The following DLGAP5 variants were observed in gnomAD, a reference collection of about 807,000 sequenced individuals.
DLGAP5 encodes disks large-associated protein 5.
DLGAP5 carries 90 observed loss-of-function variants against 99.6 expected under a neutral mutation model. The observed-to-expected ratio is 0.90, with a 90% CI of 0.76 to 1.08. DLGAP5 has a LOEUF of 1.08. Among genes scored for constraint, DLGAP5 ranks in the 50% least tolerant of loss-of-function variants. The probability of loss-of-function intolerance (pLI) is 0.00; values close to 1 mark genes in which losing one functional copy is unlikely to be tolerated. For missense variants in DLGAP5, 1,036 were observed against 983.5 expected (o/e 1.05, Z -0.71); for synonymous variants, 311 against 321.3 (o/e 0.97, Z 0.34).
intron 7 of DLGAP5, among the ~76,000 whole-genome samples, chr14:55,177,830 C>T (rs544566663): frequency 3.3e-5 from 5 of 151,782 alleles, no homozygotes; most frequent in Non-Finnish European, 7.4e-5. Flanking sequence ...AGCCACCGCA[C>T]CCACCCCGAA....
rs996700001 is a variant in DLGAP5, at chr14:55,172,680, G to A, written c.1302-1893C>T. 2.6e-5 allele frequency among the ~76,000 whole-genome samples: 4 copies of A among 152,000 alleles called. No individual in the cohort carries two copies. In the East Asian group the frequency reaches 7.8e-4, roughly 30 times the overall value. On this transcript the variant is annotated intron_variant, in intron 10 of 18. Coordinates refer to ENST00000247191, the MANE Select transcript of DLGAP5 (RefSeq NM_014750.5). ...TTGTTCATATTCAATGACACAACAT[G>A]ACGATTAATAAGGAGGCAGAGGGTC...
At chr14:55,188,803 G>T in intron 2 of DLGAP5, 139 bp downstream of exon 2, 16 of 484,676 alleles carry the variant, frequency 3.3e-5, no homozygotes, top group Non-Finnish European at 5.2e-5. Context: ...AAAAAAAAAG[G>T]AAAAAGACCA....
At chr14:55,173,288 C>CA (rs33912800) in intron 10 of DLGAP5, among the ~76,000 whole-genome samples, 31 of 121,736 alleles carry the variant, frequency 2.5e-4, no homozygotes, top group African/African-American at 7.2e-4. Flanking sequence ...AAAAAAAAAA[C>CA]AAAAAAAAAA....
chr14:55,165,299 C>T (rs939289164), intron 12 of DLGAP5, among the ~76,000 whole-genome samples: 6 of 152,162 alleles, frequency 3.9e-5, no homozygotes, highest in East Asian at 3.9e-4. Flanking sequence ...AAGGGTGGAT[C>T]GCTTGAGCTC....
intron 10 of DLGAP5, 141 bp downstream of exon 10, chr14:55,175,204 CA>C: frequency 2.9e-6 from 2 of 696,524 alleles, no homozygotes; most frequent in Non-Finnish European, 2.3e-6. Context: ...TACTAGTTAT[CA>C]AAAAAATAAT....
chr14:55,189,272 C>T (rs1189018614), intron 1 of DLGAP5, 92 bp from the exon 2 acceptor site: 4 of 891,234 alleles, frequency 4.5e-6, no homozygotes, highest in Non-Finnish European at 6.9e-6. Flanking sequence ...ACTTCAGGGC[C>T]TTCTGAAATA....
chr14:55,185,324 C>T (rs1406031888), intron 2 of DLGAP5, among the ~76,000 whole-genome samples: 1 of 152,190 alleles, frequency 6.6e-6, no homozygotes, highest in Non-Finnish European at 1.5e-5. Context: ...CTCAGCCTCC[C>T]GAGTAGCTGG....
chr14:55,181,962 A>C (rs2139526725), intron 4 of DLGAP5, among the ~76,000 whole-genome samples: 1 of 152,344 alleles, frequency 6.6e-6, no homozygotes, highest in Non-Finnish European at 1.5e-5. Context: ...TCACCTGATA[A>C]AGAGGCATAT....
At chr14:55,178,578 G>A (rs1053907621) in intron 7 of DLGAP5, among the ~76,000 whole-genome samples, 6 of 152,206 alleles carry the variant, frequency 3.9e-5, no homozygotes, top group African/African-American at 1.4e-4. Context: ...AGCCAGCATG[G>A]CAGTCAAAGC....
At chr14:55,159,486 C>G (rs1297878918) in intron 13 of DLGAP5, among the ~76,000 whole-genome samples, 2 of 152,142 alleles carry the variant, frequency 1.3e-5, no homozygotes, top group African/African-American at 4.8e-5. Flanking sequence ...ATTGAGAGGA[C>G]TTACTCATCT....
In DLGAP5 at chr14:55,189,007, C is replaced by T; in HGVS notation, c.173G>A (p.Arg58Lys). The T allele has an allele frequency of 6.2e-7, 1 of 1,613,866 alleles. No homozygotes were observed. Among genetic ancestry groups the T allele is most frequent in the African/African-American group, 1.3e-5 (1 of 75,028 alleles). Residue 58 changes from arginine (R) to lysine (K), a missense_variant, in exon 2 of 19, where the codon AGA (arginine) becomes AAA (lysine). By Grantham distance (26) the Arg-to-Lys change is conservative (BLOSUM62 2). Transcript: ENST00000247191. The stretch of plus-strand genomic sequence containing the variant: ...TGTCTCATCTAATTCAACAAGAATT[C>T]TACCTTCCAAGGTTGGAATGTTTAC... ...KDVNIPTLEGRILVELDETSQ... is the reference protein window; with the variant it reads ...KDVNIPTLEGKILVELDETSQ...
intron 14 of DLGAP5, 100 bp downstream of exon 14, chr14:55,158,422 A>G: frequency 2.0e-6 from 2 of 976,008 alleles, no homozygotes; most frequent in Non-Finnish European, 1.5e-6. Flanking sequence ...TTCATGTAAA[A>G]AACTATTTTT....
At position 55,188,971 on chromosome 14, in the gene DLGAP5, A is replaced by T. The variant is rs1354088982; in HGVS notation, c.209T>A (p.Leu70His). Reference protein sequence around the residue: ...LVELDETSQGLVPEKTNVKPR... With the variant: ...LVELDETSQGHVPEKTNVKPR... Reference sequence around the variant, plus strand: ...CTTAACATTGGTCTTTTCTGGAACAAGCCCTTGAGATGTCTCATCTAATTC... The same window carrying T: ...CTTAACATTGGTCTTTTCTGGAACATGCCCTTGAGATGTCTCATCTAATTC... The change falls in exon 2 of 19, where the codon CTT becomes CAT. Residue 70 changes from leucine (L) to histidine (H), a missense_variant. By Grantham distance (99) the Leu-to-His change is moderately conservative. Coordinates refer to ENST00000247191, the MANE Select transcript of DLGAP5 (RefSeq NM_014750.5). 7 of 1,613,332 alleles carry T rather than the reference A, an allele frequency of 4.3e-6. No homozygotes were observed. The highest frequency in any genetic ancestry group is 2.7e-5 in the African/African-American group (2 of 74,836).
At position 55,175,457 on chromosome 14, in the gene DLGAP5, T is replaced by A. The variant is rs1394437782; in HGVS notation, c.1190A>T (p.Lys397Ile). 5.2e-6 allele frequency: 7 copies of A among 1,334,676 alleles called. No individual in the cohort carries two copies. Among genetic ancestry groups the A allele is most frequent in the African/African-American group, 3.0e-5 (2 of 67,782 alleles). 82.7% of individuals were successfully genotyped at this position (1,334,676 alleles called of 1,614,324 possible). ...TVWHEEHVLN[K>I]NEATTKNLNG... ...TAAATTTTTAGTAGTAGCTTCATTT[T>A]TATTTAAAACATGTTCTATAAATTA... Residue 397 changes from lysine to isoleucine, a missense_variant, in exon 10 of 19, where the codon AAA (lysine) becomes ATA (isoleucine). By Grantham distance (102) the Lys-to-Ile change is moderately radical. Transcript: ENST00000247191.
intron 1 of DLGAP5, among the ~76,000 whole-genome samples, chr14:55,189,788 T>C (rs1883550354): frequency 2.0e-5 from 3 of 152,088 alleles, no homozygotes; most frequent in Admixed American, 1.3e-4. Flanking sequence ...CAAACACAGG[T>C]GTTTTTTTTT....
At chr14:55,187,486 T>C (rs1883471943) in intron 2 of DLGAP5, among the ~76,000 whole-genome samples, 1 of 152,102 alleles carries the variant, frequency 6.6e-6, no homozygotes, top group East Asian at 1.9e-4. Context: ...ACCCAGCTAA[T>C]TTTTTTATTT....
chr14:55,161,558 C>T (rs1268698401), intron 13 of DLGAP5, among the ~76,000 whole-genome samples: 3 of 150,348 alleles, frequency 2.0e-5, no homozygotes, highest in Admixed American at 6.6e-5. Flanking sequence ...TACAGGCATG[C>T]GCCACCTCGC....
chr14:55,185,894 G>A (rs1375477295), intron 2 of DLGAP5, among the ~76,000 whole-genome samples: 3 of 152,186 alleles, frequency 2.0e-5, no homozygotes, highest in South Asian at 4.1e-4. Flanking sequence ...CAATAATTAT[G>A]AACATTTTGC....
Position 55,163,042 on chromosome 14 carries a change from TC to T in DLGAP5, c.1581del (p.Ile528SerfsTer14). On this transcript the variant is annotated frameshift_variant, in exon 13 of 19. Transcript: ENST00000247191. LOFTEE classifies it high-confidence loss of function. ...IEDVIHKFNN[L>X]IKLEESGWQV... is the part of the protein sequence containing the mutation. Reference sequence around the variant, plus strand: ...TGCCACCCAGATTCCTCAAGTTTGATCAGATTGTTGAATTTGTGGATTACAT... The same window carrying T: ...TGCCACCCAGATTCCTCAAGTTTGATAGATTGTTGAATTTGTGGATTACAT... 6.2e-7 allele frequency: 1 copy of T among 1,601,972 alleles called. No homozygotes were observed. Among genetic ancestry groups the T allele is most frequent in the Non-Finnish European group, 8.5e-7 (1 of 1,174,190 alleles).
Sources: gnomAD v4.1 joint callset for allele counts (sites outside exome capture counted in the v4.1 genomes callset) on GRCh38, gnomAD v4.1.1 for gene constraint, MANE v1.5 for transcripts, NCBI Gene and HGNC (gene_info 2026-07-23, HGNC 2026-07-21) for gene names.